NEDD1: variants seen among roughly 807,000 people sequenced by gnomAD.
The protein encoded by NEDD1 is NEDD1 gamma-tubulin ring complex targeting factor.
A neutral mutation model predicts 74.0 loss-of-function variants in NEDD1; 33 were observed. The ratio of observed to expected loss-of-function variants is 0.45; its 90% CI spans 0.34 to 0.60. The LOEUF is 0.60. Among genes scored for constraint, NEDD1 ranks in the 20% least tolerant of loss-of-function variants. The pLI, the probability that NEDD1 is intolerant of heterozygous loss-of-function variation, is 0.01. For synonymous variants in NEDD1, 250 were observed against 264.4 expected (o/e 0.95, Z 0.53); for missense variants, 746 against 776.5 (o/e 0.96, Z 0.47).
Position 96,951,962 on chromosome 12 carries a change from CTTTG to C in NEDD1, c.1893_1896del (p.Leu632TrpfsTer6). 6.4e-7 allele frequency: 1 copy of C among 1,569,392 alleles called. No individual in the cohort carries two copies. Among genetic ancestry groups the C allele is most frequent in the Non-Finnish European group, 8.8e-7 (1 of 1,141,996 alleles). On this transcript the variant is annotated frameshift_variant, in exon 16 of 16. Transcript: ENST00000266742. LOFTEE classifies it high-confidence loss of function. The stretch of plus-strand genomic sequence containing the variant: ...CTGTTTTTCTAGAATGAAATGCATT[CTTTG>C]CTGGAAAGATACTCAGTGAATGAAG...
intron 14 of NEDD1, among the ~76,000 whole-genome samples, chr12:96,948,241 T>C (rs757986341): frequency 3.3e-5 from 5 of 152,174 alleles, no homozygotes; most frequent in Non-Finnish European, 7.4e-5. Context: ...CTGTTACACT[T>C]GTCCCTACTT....
Position 96,951,927 on chromosome 12 carries a change from A to G in NEDD1, c.1879-22A>G, listed in dbSNP as rs755638889. On this transcript the variant is annotated intron_variant, in intron 15 of 15. Coordinates refer to ENST00000266742, the MANE Select transcript of NEDD1 (RefSeq NM_152905.4). ...AAATGTGAAATATCAATAATTTAAAAAGCATTTTCCTGTTTTTCTAGAATG... is the reference window on the plus strand; with the variant it reads ...AAATGTGAAATATCAATAATTTAAAGAGCATTTTCCTGTTTTTCTAGAATG... 3.2e-6 allele frequency: 4 copies of G among 1,251,472 alleles called. No individual in the cohort carries two copies. The South Asian group carries it at 4.9e-5, about 15-fold the overall frequency. 77.5% of individuals were successfully genotyped at this position (1,251,472 alleles called of 1,614,324 possible).
Position 96,932,459 on chromosome 12 carries a change from A to AT in NEDD1, c.490-2517_490-2516insT, listed in dbSNP as rs1471701288. Among the ~76,000 whole-genome samples, 11 of 12,072 alleles carry AT rather than the reference A, an allele frequency of 9.1e-4. No individual in the cohort carries two copies. The South Asian group carries it at 0.011, about 12-fold the overall frequency. The allele number at this position is 12,072 out of a possible 152,430, so 7.9% of individuals were successfully genotyped here. ...CTGTCTCTTAAAAAAAAAAAAAAAA[A>AT]AAAAATATATATATATATATATATA... On this transcript the variant is annotated intron_variant, in intron 6 of 15. Transcript: ENST00000266742.
At chr12:96,918,390 TAAAA>T (rs1198067463) in intron 5 of NEDD1, among the ~76,000 whole-genome samples, 1 of 126,444 alleles carries the variant, frequency 7.9e-6, no homozygotes, top group Admixed American at 7.9e-5. Flanking sequence ...ATTTTTGTCT[TAAAA>T]AAGTTTTAAT....
chr12:96,942,303 C>A (rs963684521), intron 10 of NEDD1, among the ~76,000 whole-genome samples: 1 of 152,172 alleles, frequency 6.6e-6, no homozygotes, highest in Admixed American at 6.6e-5. Flanking sequence ...CCATAACCTA[C>A]CCCCTACACC....
intron 2 of NEDD1, 34 bp downstream of exon 2, chr12:96,907,890 C>T: frequency 7.6e-7 from 1 of 1,314,326 alleles, no homozygotes; most frequent in Non-Finnish European, 9.7e-7. Flanking sequence ...CCCCGCCCCG[C>T]TTTAAGAGCC....
Position 96,909,817 on chromosome 12 carries a change from T to A in NEDD1, c.58T>A (p.Ser20Thr). Residue 20 changes from serine (S) to threonine (T), a missense_variant, in exon 3 of 16, where the codon TCA becomes ACA. Transcript: ENST00000266742. Reference sequence around the variant, plus strand: ...AGATGATATTAAAATATGGGATGCTTCATCTATGACATTGGTGGATAAATT... The same window carrying A: ...AGATGATATTAAAATATGGGATGCTACATCTATGACATTGGTGGATAAATT... ...SGDDIKIWDA[S>T]SMTLVDKFNP... is the part of the protein sequence containing the mutation. The A allele has an allele frequency of 6.2e-7, 1 of 1,613,734 alleles. No individual in the cohort carries two copies.
rs561720998 is a variant in NEDD1, at chr12:96,952,577, C to G, written c.*524C>G. ...GTTAACTTGATGAAGTCAAGTATGA[C>G]TATTATTTATTGTACATTTGATAAG... On this transcript the variant is annotated 3_prime_UTR_variant, in exon 16 of 16. Coordinates refer to ENST00000266742, the MANE Select transcript of NEDD1 (RefSeq NM_152905.4). 2 of 151,936 alleles carry G rather than the reference C, an allele frequency of 1.3e-5. No homozygotes were observed. Among genetic ancestry groups the G allele is most frequent in the Admixed American group, 1.3e-4 (2 of 15,226 alleles). The allele number at this position is 151,936 out of a possible 1,614,324, so 9.4% of individuals were successfully genotyped here.
At chr12:96,916,174 G>T (rs1874416053) in intron 4 of NEDD1, among the ~76,000 whole-genome samples, 2 of 151,804 alleles carry the variant, frequency 1.3e-5, no homozygotes, top group South Asian at 4.2e-4. Flanking sequence ...ATAGGACTTT[G>T]AAAGCCAGGT....
chr12:96,925,334 G>A (rs1472470042), intron 6 of NEDD1, among the ~76,000 whole-genome samples: 2 of 152,154 alleles, frequency 1.3e-5, no homozygotes, highest in Non-Finnish European at 2.9e-5. Flanking sequence ...AGCATAGAAT[G>A]CTTACCACCA....
chr12:96,911,340 C>A lies in NEDD1; in HGVS notation c.137-1383C>A, dbSNP rs149530944. Among the ~76,000 whole-genome samples the A allele has an allele frequency of 8.6e-4, 131 of 152,302 alleles. 1 individual carries two copies. Among genetic ancestry groups the A allele is most frequent in the African/African-American group, 3.0e-3 (124 of 41,578 alleles). On this transcript the variant is annotated intron_variant, in intron 3 of 15. Transcript: ENST00000266742. ...GCTACTTAATAGTCTAACAACAAAA[C>A]TGATGTAGCTATGAGATAGTGTTGT...
chr12:96,922,113 T>C (rs1476256932), intron 6 of NEDD1, among the ~76,000 whole-genome samples: 1 of 152,206 alleles, frequency 6.6e-6, no homozygotes, highest in Non-Finnish European at 1.5e-5. Context: ...AGTTTTTAAT[T>C]AGTTGAATGT....
In NEDD1 at chr12:96,937,202, G is replaced by T. The variant is rs550180642; in HGVS notation, c.926G>T (p.Ser309Ile). 3.9e-5 allele frequency: 61 copies of T among 1,581,370 alleles called. 1 individual carries two copies. The South Asian group carries it at 6.7e-4, about 17-fold the overall frequency. Residue 309 changes from serine to isoleucine, a missense_variant, in exon 9 of 16, where the codon AGT becomes ATT. Physicochemically the swap from Ser to Ile is moderately radical, Grantham distance 142 (BLOSUM62 -2). This residue lies in a region of NEDD1 where 706 missense variants were observed against 706.7 expected (regional missense o/e 1.00). Coordinates refer to ENST00000266742, the MANE Select transcript of NEDD1 (RefSeq NM_152905.4). ...AAATATTCCATTACATTTCAGTCAA[G>T]TTTAAATAAAGGCTGTTCAAATAAG... Reference protein sequence around the residue: ...FQYSTVLTKSSLNKGCSNKPT... With the variant: ...FQYSTVLTKSILNKGCSNKPT...
intron 9 of NEDD1, among the ~76,000 whole-genome samples, chr12:96,940,135 G>A (rs1321199542): frequency 2.0e-5 from 3 of 151,940 alleles, no homozygotes; most frequent in African/African-American, 7.2e-5. Flanking sequence ...GCTAAAATAA[G>A]GTATTACTGT....
In NEDD1 at chr12:96,909,839, A is replaced by G. The variant is rs1873718773; in HGVS notation, c.80A>G (p.Lys27Arg). ...GCTTCATCTATGACATTGGTGGATA[A>G]ATTCAACCCACACACATCACCACAT... ...WDASSMTLVD[K>R]FNPHTSPHGI... The change falls in exon 3 of 16, where the codon AAA becomes AGA. Residue 27 changes from lysine (K) to arginine (R), a missense_variant. Coordinates refer to ENST00000266742, the MANE Select transcript of NEDD1 (RefSeq NM_152905.4). The G allele has an allele frequency of 4.3e-6, 7 of 1,613,668 alleles. No individual in the cohort carries two copies. The highest frequency in any genetic ancestry group is 5.9e-6 in the Non-Finnish European group (7 of 1,179,770).
At position 96,943,726 on chromosome 12, in the gene NEDD1, T is replaced by C. The variant is rs138696171; in HGVS notation, c.1461T>C (p.Tyr487=). The C allele has an allele frequency of 1.2e-4, 186 of 1,611,888 alleles. No homozygotes were observed. The African/African-American group carries it at 2.3e-3, about 20-fold the overall frequency. ...RDLTAESKKI[Y]MGKQESKDSF... is the part of the protein sequence containing the mutation. ...TAACAGCTGAGTCTAAGAAAATATATATGGGAAAACAGGAATCTAAAGACT... is the reference window on the plus strand; with the variant it reads ...TAACAGCTGAGTCTAAGAAAATATACATGGGAAAACAGGAATCTAAAGACT... The change falls in exon 12 of 16, where the codon TAT becomes TAC. Residue 487 remains tyrosine, a synonymous_variant. Coordinates refer to ENST00000266742, the MANE Select transcript of NEDD1 (RefSeq NM_152905.4).
intron 10 of NEDD1, among the ~76,000 whole-genome samples, chr12:96,941,954 C>T (rs1176815397): frequency 6.6e-6 from 1 of 151,954 alleles, no homozygotes; most frequent in Non-Finnish European, 1.5e-5. Context: ...GTTTATTGGC[C>T]ATTTGAATTT....
chr12:96,936,422 T>C (rs939301631), intron 7 of NEDD1, among the ~76,000 whole-genome samples, 189 bp from the exon 8 acceptor site: 1 of 152,254 alleles, frequency 6.6e-6, no homozygotes, highest in Non-Finnish European at 1.5e-5. Flanking sequence ...GTTCTCTATA[T>C]GCCATTTTAT....
chr12:96,918,752 C>T (rs1314488859), intron 5 of NEDD1, among the ~76,000 whole-genome samples: 1 of 152,142 alleles, frequency 6.6e-6, no homozygotes, highest in African/African-American at 2.4e-5. Flanking sequence ...ACTTATTCTC[C>T]ACAGTTGAAA....
Sources: gnomAD v4.1 joint callset for allele counts (sites outside exome capture counted in the v4.1 genomes callset) on GRCh38, gnomAD v4.1.1 for gene constraint, gnomAD v4.1.1 regional missense constraint, MANE v1.5 for transcripts, NCBI Gene and HGNC (gene_info 2026-07-23, HGNC 2026-07-21) for gene names.